ACBD3: variants seen among roughly 807,000 people sequenced by gnomAD.
ACBD3 encodes the protein acyl-CoA binding domain containing 3.
Under a neutral mutation model 66.9 loss-of-function variants are expected in ACBD3, and 30 were observed. That is an observed-to-expected ratio of 0.45 (90% CI 0.34 to 0.61). The LOEUF is 0.61. ACBD3 is among the 20% of genes least tolerant of loss of function. ACBD3 has a pLI of 0.02. For missense variants in ACBD3, 544 were observed against 664.5 expected, an observed-to-expected ratio of 0.82 and a Z score of 1.99; for synonymous variants, 278 against 259.8, an observed-to-expected ratio of 1.07 and a Z score of -0.68.
rs1659418850 is a variant in ACBD3 at position 226,144,930 on chromosome 1, T to TA, written c.*1679dup. 5 of 152,442 alleles carry TA rather than the reference T, an allele frequency of 3.3e-5. No homozygotes were observed. The highest frequency in any genetic ancestry group is 3.3e-4 in the Admixed American group (5 of 15,258). The allele number at this position is 152,442 out of a possible 1,614,324, so 9.4% of individuals were successfully genotyped here. A position where few individuals can be genotyped will look rare whatever the true frequency, so the allele number is the denominator to read the frequency against. ...ATTTGTAATCAAAGGCTGGAAGAAA[T>TA]ATATATTAGTGCCTGCTTTTTAAAA... On this transcript the variant is annotated 3_prime_UTR_variant, in exon 8 of 8. Coordinates refer to ENST00000366812, the MANE Select transcript of ACBD3 (RefSeq NM_022735.4).
Position 226,152,431 on chromosome 1 carries a change from T to C in ACBD3, c.1279A>G (p.Ile427Val). Residue 427 changes from isoleucine to valine, a missense_variant, in exon 7 of 8, where the codon ATT becomes GTT. By Grantham distance (29) the Ile-to-Val change is conservative. Coordinates refer to ENST00000366812, the MANE Select transcript of ACBD3 (RefSeq NM_022735.4). Reference protein sequence around the residue: ...FWEFATDNYDIGFGVYFEWTD... With the variant: ...FWEFATDNYDVGFGVYFEWTD... The stretch of plus-strand genomic sequence containing the variant: ...CATTCAAAATACACCCCAAACCCAA[T>C]GTCATAATTGTCTGTGGCAAATTCC... 6.2e-7 allele frequency: 1 copy of C among 1,614,172 alleles called. No individual in the cohort carries two copies. Among genetic ancestry groups the C allele is most frequent in the South Asian group, 1.1e-5 (1 of 91,080 alleles).
rs568661925 is a variant in ACBD3, at chr1:226,177,597, C to T, written c.286+8793G>A. Among the ~76,000 whole-genome samples the T allele has an allele frequency of 2.6e-4, 40 of 152,162 alleles. No homozygotes were observed. The South Asian group carries it at 8.1e-3, about 31-fold the overall frequency. On this transcript the variant is annotated intron_variant, in intron 1 of 7. Coordinates refer to ENST00000366812, the MANE Select transcript of ACBD3 (RefSeq NM_022735.4). ...GAGTTTACTATACAAATCAGATCTTCTATCAATTTAATCCATAGACTAGGG... is the reference window on the plus strand; with the variant it reads ...GAGTTTACTATACAAATCAGATCTTTTATCAATTTAATCCATAGACTAGGG...
chr1:226,169,343 G>A (rs1200003349), intron 1 of ACBD3, among the ~76,000 whole-genome samples: 1 of 151,802 alleles, frequency 6.6e-6, no homozygotes, highest in East Asian at 1.9e-4. Flanking sequence ...TGCCTCCCGG[G>A]TTCACGCCAT....
chr1:226,149,333 T>C (rs1423579743), intron 7 of ACBD3, among the ~76,000 whole-genome samples: 1 of 151,440 alleles, frequency 6.6e-6, no homozygotes, highest in African/African-American at 2.4e-5. Context: ...TTCAAGCGAT[T>C]CTCCTGCCTC....
intron 6 of ACBD3, among the ~76,000 whole-genome samples, chr1:226,153,826 T>C (rs114078387): frequency 0.042 from 6,452 of 152,298 alleles, 186 homozygotes; most frequent in Non-Finnish European, 0.064. Flanking sequence ...TGGGTCTTCA[T>C]GCACTTGTGA....
At chr1:226,184,874 C>G (rs1401403143) in intron 1 of ACBD3, among the ~76,000 whole-genome samples, 1 of 148,684 alleles carries the variant, frequency 6.7e-6, no homozygotes, top group African/African-American at 2.5e-5. Flanking sequence ...TCTTGGCTCA[C>G]TGCAACCTCC....
rs1368839540 is a variant in ACBD3, at chr1:226,145,762, CAATTT to C, written c.*843_*847del. 1 of 152,386 alleles carries C rather than the reference CAATTT, an allele frequency of 6.6e-6. No homozygotes were observed. The highest frequency in any genetic ancestry group is 1.9e-4 in the East Asian group (1 of 5,202). The allele number at this position is 152,386 out of a possible 1,614,324, so 9.4% of individuals were successfully genotyped here. A position where few individuals can be genotyped will look rare whatever the true frequency, so the allele number is the denominator to read the frequency against. On this transcript the variant is annotated 3_prime_UTR_variant, in exon 8 of 8. Transcript: ENST00000366812. ...TTATGTATTTTAATTCAGTAGGTGC[CAATTT>C]GAGTTTATAAAATCCTTAATTTTAT...
chr1:226,160,812 T>C (rs1659757176), intron 4 of ACBD3, among the ~76,000 whole-genome samples: 1 of 152,116 alleles, frequency 6.6e-6, no homozygotes, highest in South Asian at 2.1e-4. Context: ...GAGTAAGCAA[T>C]AGTTGAAGCC....
Position 226,144,775 on chromosome 1 carries a change from A to G in ACBD3, c.*1835T>C, listed in dbSNP as rs1169510921. ...CTAATCAACAGCCAAAGGCAATAAG[A>G]AAGTTTAAAACCAAAAATATTCTGA... On this transcript the variant is annotated 3_prime_UTR_variant, in exon 8 of 8. Coordinates refer to ENST00000366812, the MANE Select transcript of ACBD3 (RefSeq NM_022735.4). The G allele has an allele frequency of 1.3e-5, 2 of 152,656 alleles. No individual in the cohort carries two copies. Among genetic ancestry groups the G allele is most frequent in the Non-Finnish European group, 2.9e-5 (2 of 68,044 alleles). 9.5% of individuals were successfully genotyped at this position (152,656 alleles called of 1,614,324 possible).
intron 1 of ACBD3, among the ~76,000 whole-genome samples, chr1:226,182,227 T>TAA (rs576452132): frequency 2.8e-4 from 39 of 141,180 alleles, no homozygotes; most frequent in African/African-American, 5.0e-4. Flanking sequence ...CCAGACTGTC[T>TAA]AAAAAAAAAA....
Position 226,186,613 on chromosome 1 carries a change from C to G in ACBD3, c.63G>C (p.Pro21=). The change falls in exon 1 of 8, where the codon CCG becomes CCC. Residue 21 remains proline (P), a synonymous_variant. Coordinates refer to ENST00000366812, the MANE Select transcript of ACBD3 (RefSeq NM_022735.4). ...EVSVDGLTLS[P]DPEERPGAEG... is the part of the protein sequence containing the mutation. ...CCGCCCCAGGCCGCTCCTCCGGGTC[C>G]GGGCTGAGCGTGAGGCCGTCGACGG... is the stretch of plus-strand genomic sequence containing the variant. 6.7e-7 allele frequency: 1 copy of G among 1,488,902 alleles called. No individual in the cohort carries two copies. Among genetic ancestry groups the G allele is most frequent in the South Asian group, 1.3e-5 (1 of 79,266 alleles). The allele number at this position is 1,488,902 out of a possible 1,614,324, so 92.2% of individuals were successfully genotyped here. A position where few individuals can be genotyped will look rare whatever the true frequency, so the allele number is the denominator to read the frequency against.
At chr1:226,161,435 G>C (rs1417902904) in intron 4 of ACBD3, 96 bp downstream of exon 4, 3 of 1,552,186 alleles carry the variant, frequency 1.9e-6, no homozygotes, top group Non-Finnish European at 2.6e-6. Flanking sequence ...TGGGATTACA[G>C]GCGTGAACCA....
chr1:226,173,761 T>TTC (rs1248666005), intron 1 of ACBD3, among the ~76,000 whole-genome samples: 1 of 134,878 alleles, frequency 7.4e-6, no homozygotes, highest in African/African-American at 2.8e-5. Context: ...TCTTTTCTTT[T>TTC]TTTTTTTTTT....
chr1:226,146,886 A>T lies in ACBD3; in HGVS notation c.1376-65T>A. 5.5e-6 allele frequency: 8 copies of T among 1,453,062 alleles called. 1 individual carries two copies. The Middle Eastern group carries it at 5.3e-4, about 96-fold the overall frequency. The allele number at this position is 1,453,062 out of a possible 1,614,324, so 90.0% of individuals were successfully genotyped here. On this transcript the variant is annotated intron_variant, in intron 7 of 7. Transcript: ENST00000366812. ...AACCACACTTGCATCAGGCAATTAA[A>T]ATCTATCCTTTCTTTTTTTTCTGGA...
Position 226,186,488 on chromosome 1 carries a change from G to GCCT in ACBD3, c.185_187dup (p.Glu62dup). Reference sequence around the variant, plus strand: ...CTCCTCCGCCGCGCCCCCAGCCGCCGCCTCCCCGGGCTCGGGCTGCTCCCC... The same window carrying GCCT: ...CTCCTCCGCCGCGCCCCCAGCCGCCGCCTCCTCCCCGGGCTCGGGCTGCTCCCC... On this transcript the variant is annotated inframe_insertion, in exon 1 of 8. Coordinates refer to ENST00000366812, the MANE Select transcript of ACBD3 (RefSeq NM_022735.4). 6.7e-7 allele frequency: 1 copy of GCCT among 1,487,196 alleles called. No individual in the cohort carries two copies. Among genetic ancestry groups the GCCT allele is most frequent in the Non-Finnish European group, 8.9e-7 (1 of 1,120,844 alleles). 92.1% of individuals were successfully genotyped at this position (1,487,196 alleles called of 1,614,324 possible). A position where few individuals can be genotyped will look rare whatever the true frequency, so the allele number is the denominator to read the frequency against.
chr1:226,147,143 G>A (rs2102771647), intron 7 of ACBD3, among the ~76,000 whole-genome samples: 1 of 152,290 alleles, frequency 6.6e-6, no homozygotes, highest in Admixed American at 6.5e-5. Context: ...ACCTGCCTCG[G>A]CCTCCCAAAG....
chr1:226,161,105 C>G (rs1659764049), intron 4 of ACBD3, among the ~76,000 whole-genome samples: 2 of 151,222 alleles, frequency 1.3e-5, no homozygotes, highest in South Asian at 4.2e-4. Flanking sequence ...CTTCCAATCT[C>G]TGGGTTCTGC....
intron 7 of ACBD3, among the ~76,000 whole-genome samples, chr1:226,148,478 C>T (rs1659499613): frequency 2.0e-5 from 3 of 152,214 alleles, no homozygotes; most frequent in Admixed American, 2.0e-4. Flanking sequence ...ATGAGAAATA[C>T]AGAACCATCC....
chr1:226,183,648 C>T (rs1255625646), intron 1 of ACBD3, among the ~76,000 whole-genome samples: 1 of 152,162 alleles, frequency 6.6e-6, no homozygotes, highest in Non-Finnish European at 1.5e-5. Flanking sequence ...AATCCCAACA[C>T]TTTGGGAGGC....
Sources: gnomAD v4.1 joint callset for allele counts (sites outside exome capture counted in the v4.1 genomes callset) on GRCh38, gnomAD v4.1.1 for gene constraint, MANE v1.5 for transcripts, NCBI Gene and HGNC (gene_info 2026-07-23, HGNC 2026-07-21) for gene names.